Variants in DNAAF11 observed in about 807,000 individuals in gnomAD.
DNAAF11 encodes the protein dynein axonemal assembly factor 11.
DNAAF11 carries 45 observed loss-of-function variants against 60.8 expected under a neutral mutation model. The observed-to-expected ratio is 0.74, with a 90% CI of 0.58 to 0.95. DNAAF11 has a LOEUF of 0.95. Ranked by LOEUF, DNAAF11 falls within the 40% of genes least tolerant of loss-of-function variation. The probability of loss-of-function intolerance (pLI) is 0.00; values close to 1 mark genes in which losing one functional copy is unlikely to be tolerated. For synonymous variants in DNAAF11, 191 were observed against 183.5 expected (o/e 1.04, Z -0.33); for missense variants, 546 against 546.2 (o/e 1.00, Z 0.00).
chr8:132,639,317 A>G (rs1006671778), intron 3 of DNAAF11, among the ~76,000 whole-genome samples: 2 of 152,208 alleles, frequency 1.3e-5, no homozygotes, highest in Admixed American at 6.5e-5. Context: ...TGGGATTAAC[A>G]TGGCAGATTT....
chr8:132,669,371 G>A (rs1824950881), intron 1 of DNAAF11, among the ~76,000 whole-genome samples: 2 of 152,214 alleles, frequency 1.3e-5, no homozygotes, highest in Non-Finnish European at 2.9e-5. Context: ...CCTGGCCCAA[G>A]GCAGTTATGC....
chr8:132,659,292 T>G (rs1051233889), intron 2 of DNAAF11, among the ~76,000 whole-genome samples: 1 of 152,196 alleles, frequency 6.6e-6, no homozygotes, highest in African/African-American at 2.4e-5. Context: ...AGAGCAAGTC[T>G]GAATCCTAGA....
At chr8:132,591,537 G>C (rs868708591) in intron 10 of DNAAF11, among the ~76,000 whole-genome samples, 110 of 151,762 alleles carry the variant, frequency 7.2e-4, no homozygotes, top group African/African-American at 2.4e-3. Context: ...CTTTCTATTA[G>C]AGTTTTAATT....
chr8:132,633,710 C>A (rs533922634), intron 4 of DNAAF11, among the ~76,000 whole-genome samples: 1 of 152,150 alleles, frequency 6.6e-6, no homozygotes, highest in Admixed American at 6.5e-5. Flanking sequence ...CAGGATGATT[C>A]TTATAAGGAC....
At position 132,620,422 on chromosome 8, in the gene DNAAF11, C is replaced by A. The variant is rs549769478; in HGVS notation, c.914+2189G>T. The stretch of plus-strand genomic sequence containing the variant: ...TGATCTCGGCTCACTGCAACCTCTG[C>A]CTCCCAGGTTCAAGCGATTCTCGTG... On this transcript the variant is annotated intron_variant, in intron 7 of 11. Transcript: ENST00000620350. 2.6e-5 allele frequency among the ~76,000 whole-genome samples: 4 copies of A among 152,296 alleles called. No homozygotes were observed. In the South Asian group the frequency reaches 6.2e-4, roughly 24 times the overall value.
intron 11 of DNAAF11, among the ~76,000 whole-genome samples, chr8:132,573,030 T>C (rs902252287): frequency 1.6e-4 from 24 of 152,000 alleles, no homozygotes; most frequent in Non-Finnish European, 3.2e-4. Flanking sequence ...TTCTCAGCAA[T>C]AGCAAGCATG....
chr8:132,649,563 C>T (rs932189677), intron 3 of DNAAF11, among the ~76,000 whole-genome samples: 1 of 152,056 alleles, frequency 6.6e-6, no homozygotes, highest in Non-Finnish European at 1.5e-5. Context: ...AAGAAACTAC[C>T]ATCAGAGTGA....
intron 1 of DNAAF11, among the ~76,000 whole-genome samples, chr8:132,674,466 GATCA>G (rs1446305945): frequency 6.6e-6 from 1 of 152,162 alleles, no homozygotes; most frequent in East Asian, 1.9e-4. Context: ...AATGATAAGT[GATCA>G]ATTAGGTAGA....
intron 1 of DNAAF11, among the ~76,000 whole-genome samples, chr8:132,662,731 A>C (rs1170598610): frequency 6.6e-6 from 1 of 152,170 alleles, no homozygotes; most frequent in African/African-American, 2.4e-5. Flanking sequence ...GTGCCAGACC[A>C]CCTGCTCTTA....
At chr8:132,666,734 T>C (rs1470922894) in intron 1 of DNAAF11, among the ~76,000 whole-genome samples, 1 of 152,180 alleles carries the variant, frequency 6.6e-6, no homozygotes, top group Non-Finnish European at 1.5e-5. Flanking sequence ...AACAATATAG[T>C]AATGATGTTG....
At chr8:132,663,332 C>T (rs1347202234) in intron 1 of DNAAF11, among the ~76,000 whole-genome samples, 1 of 152,186 alleles carries the variant, frequency 6.6e-6, no homozygotes, top group Non-Finnish European at 1.5e-5. Flanking sequence ...ACTCTCTATC[C>T]TCCTAACCAA....
intron 4 of DNAAF11, 47 bp from the exon 5 acceptor site, chr8:132,633,010 T>C: frequency 7.6e-7 from 1 of 1,321,210 alleles, no homozygotes; most frequent in Non-Finnish European, 1.1e-6. Flanking sequence ...AAAGTAGCAG[T>C]GTGAATCAGC....
At chr8:132,619,459 T>A (rs1451423731) in intron 7 of DNAAF11, among the ~76,000 whole-genome samples, 3 of 150,736 alleles carry the variant, frequency 2.0e-5, no homozygotes, top group African/African-American at 2.4e-5. Context: ...AATAATAAAT[T>A]AAAAAAAAAG....
chr8:132,700,266 C>G, the DNAAF11 span, among the ~76,000 whole-genome samples: 1 of 152,288 alleles, frequency 6.6e-6, no homozygotes, highest in East Asian at 1.9e-4. Flanking sequence ...GACTCCTTGA[C>G]AGACCCAGTC....
At chr8:132,617,748 A>G (rs1819323877) in intron 7 of DNAAF11, among the ~76,000 whole-genome samples, 1 of 151,968 alleles carries the variant, frequency 6.6e-6, no homozygotes, top group Non-Finnish European at 1.5e-5. Flanking sequence ...AGGGATGTGA[A>G]GGACCTCTTC....
In DNAAF11 at chr8:132,571,512, G is replaced by T. The variant is rs1814184037; in HGVS notation, c.*794C>A. On this transcript the variant is annotated 3_prime_UTR_variant, in exon 12 of 12. Transcript: ENST00000620350. Reference sequence around the variant, plus strand: ...TGGGGAGTAAAAAGGTGAAGAAAAAGAATAAGGGGAGAAAAGTAATTGGGG... The same window carrying T: ...TGGGGAGTAAAAAGGTGAAGAAAAATAATAAGGGGAGAAAAGTAATTGGGG... Among the ~76,000 whole-genome samples, 1 of 151,786 alleles carries T rather than the reference G, an allele frequency of 6.6e-6. No homozygotes were observed. The highest frequency in any genetic ancestry group is 1.5e-5 in the Non-Finnish European group (1 of 67,944).
intron 5 of DNAAF11, 43 bp from the exon 6 acceptor site, chr8:132,625,497 A>G: frequency 7.0e-7 from 1 of 1,435,124 alleles, no homozygotes; most frequent in Non-Finnish European, 9.5e-7. Flanking sequence ...TAATGGATTC[A>G]TGAGCTTCAT....
At chr8:132,613,799 C>T (rs572214036) in intron 8 of DNAAF11, among the ~76,000 whole-genome samples, 2 of 152,228 alleles carry the variant, frequency 1.3e-5, no homozygotes, top group Admixed American at 6.5e-5. Context: ...AAAGTTACCC[C>T]CTCTTGGGTA....
chr8:132,664,234 C>A (rs559183162), intron 1 of DNAAF11, among the ~76,000 whole-genome samples: 6 of 152,264 alleles, frequency 3.9e-5, no homozygotes, highest in South Asian at 2.1e-4. Flanking sequence ...ATGGTTAAGT[C>A]GAATGTGTTC....
Sources: allele counts gnomAD v4.1 joint callset (sites outside exome capture counted in the v4.1 genomes callset), GRCh38; gene constraint gnomAD v4.1.1; transcripts MANE v1.5; gene names NCBI Gene and HGNC (gene_info 2026-07-23, HGNC 2026-07-21).